KCNC2: variants seen among roughly 807,000 people sequenced by gnomAD.
KCNC2 encodes the protein potassium voltage-gated channel subfamily C member 2.
A neutral mutation model predicts 44.5 loss-of-function variants in KCNC2; 21 were observed. The ratio of observed to expected loss-of-function variants is 0.47; its 90% CI spans 0.33 to 0.68. The LOEUF (loss-of-function observed/expected upper bound fraction) is 0.68. Among genes scored for constraint, KCNC2 ranks in the 30% least tolerant of loss-of-function variants. The pLI is 0.01. For synonymous variants in KCNC2, 391 were observed against 339.1 expected, an observed-to-expected ratio of 1.15 and a Z score of -1.68; for missense variants, 589 against 826.2, an observed-to-expected ratio of 0.71 and a Z score of 3.52.
At chr12:75,187,295 C>T (rs990487355) in intron 2 of KCNC2, among the ~76,000 whole-genome samples, 6 of 152,176 alleles carry the variant, frequency 3.9e-5, no homozygotes, top group African/African-American at 7.2e-5. Flanking sequence ...TACCGAAGAA[C>T]ACATTTCTGC....
chr12:75,187,581 G>GAGAT (rs1250593814), intron 2 of KCNC2, among the ~76,000 whole-genome samples: 10 of 152,180 alleles, frequency 6.6e-5, no homozygotes, highest in African/African-American at 2.2e-4. Context: ...ATTTGCAGAA[G>GAGAT]AGATATAGCG....
At chr12:75,195,149 A>G (rs1483209552) in intron 2 of KCNC2, among the ~76,000 whole-genome samples, 1 of 152,152 alleles carries the variant, frequency 6.6e-6, no homozygotes. Flanking sequence ...GCAAAAACTA[A>G]TATTATTTTC....
intron 2 of KCNC2, among the ~76,000 whole-genome samples, chr12:75,101,364 G>A (rs1025068337): frequency 2.6e-5 from 4 of 151,964 alleles, no homozygotes; most frequent in Non-Finnish European, 4.4e-5. Flanking sequence ...TTCATGGGTT[G>A]GAACTATTCT....
At chr12:75,087,751 C>T (rs1003269693) in intron 2 of KCNC2, among the ~76,000 whole-genome samples, 1 of 151,986 alleles carries the variant, frequency 6.6e-6, no homozygotes, top group Non-Finnish European at 1.5e-5. Flanking sequence ...GCTGGAGAGG[C>T]CAGGCCTGAG....
intron 2 of KCNC2, among the ~76,000 whole-genome samples, chr12:75,063,851 T>C (rs1337980797): frequency 2.6e-5 from 4 of 152,062 alleles, no homozygotes; most frequent in African/African-American, 9.7e-5. Context: ...ATGAGAAAAA[T>C]AAGATGCAAA....
chr12:75,147,329 T>G (rs1198830986), intron 2 of KCNC2, among the ~76,000 whole-genome samples: 12 of 152,126 alleles, frequency 7.9e-5, no homozygotes, highest in Non-Finnish European at 1.6e-4. Context: ...CTCCTCATAC[T>G]AATCTATTAT....
intron 2 of KCNC2, among the ~76,000 whole-genome samples, chr12:75,199,043 T>C (rs764956930): frequency 2.0e-5 from 3 of 151,868 alleles, no homozygotes; most frequent in Non-Finnish European, 4.4e-5. Flanking sequence ...CTGGATAAAA[T>C]ATTGGTGTAA....
chr12:75,115,759 T>A (rs1379248247), intron 2 of KCNC2, among the ~76,000 whole-genome samples: 1 of 152,046 alleles, frequency 6.6e-6, no homozygotes, highest in South Asian at 2.1e-4. Flanking sequence ...TATCTTTTTT[T>A]AAACAAAATT....
At chr12:75,134,731 G>A (rs941735199) in intron 2 of KCNC2, among the ~76,000 whole-genome samples, 2 of 151,772 alleles carry the variant, frequency 1.3e-5, no homozygotes, top group African/African-American at 4.8e-5. Flanking sequence ...GATAATGAAC[G>A]ACAAAATTAT....
rs533998790 is a variant in KCNC2 at position 75,194,305 on chromosome 12, AG to A, written c.687+12991del. Among the ~76,000 whole-genome samples the A allele has an allele frequency of 2.8e-3, 432 of 152,302 alleles. 7 individuals carry two copies. Among genetic ancestry groups the A allele is most frequent in the Non-Finnish European group, 2.2e-3 (151 of 68,026 alleles). On this transcript the variant is annotated intron_variant, in intron 2 of 4. Coordinates refer to ENST00000549446, the MANE Select transcript of KCNC2 (RefSeq NM_139137.4). ...CATACACTGAGGGCAAGGCGAGGCC[AG>A]GGGAAGGGGATCATCATGTGAAGAT... is the stretch of plus-strand genomic sequence containing the variant.
intron 2 of KCNC2, among the ~76,000 whole-genome samples, chr12:75,059,865 T>C (rs1277213546): frequency 6.6e-6 from 1 of 152,120 alleles, no homozygotes; most frequent in Non-Finnish European, 1.5e-5. Context: ...AATATCTAGG[T>C]CTATTGCTTA....
At chr12:75,070,720 C>G (rs1883314897) in intron 2 of KCNC2, among the ~76,000 whole-genome samples, 1 of 151,330 alleles carries the variant, frequency 6.6e-6, no homozygotes, top group South Asian at 2.1e-4. Context: ...TTATATTCAC[C>G]CTTTATAAAA....
At position 75,099,461 on chromosome 12, in the gene KCNC2, A is replaced by G. The variant is rs904391121; in HGVS notation, c.688-48144T>C. On this transcript the variant is annotated intron_variant, in intron 2 of 4. Transcript: ENST00000549446. ...GAGAGTGGAATTCTGTACTTTTGCT[A>G]TTTCCTTTGGTGCTAAAAATGGTAG... 7.2e-5 allele frequency among the ~76,000 whole-genome samples: 11 copies of G among 152,208 alleles called. No individual in the cohort carries two copies. The East Asian group carries it at 2.1e-3, about 29-fold the overall frequency.
chr12:75,078,399 C>T (rs2137068159), intron 2 of KCNC2, among the ~76,000 whole-genome samples: 1 of 152,186 alleles, frequency 6.6e-6, no homozygotes, highest in Middle Eastern at 3.4e-3. Flanking sequence ...CATGTAAGTC[C>T]ATCTTCTGTA....
intron 2 of KCNC2, among the ~76,000 whole-genome samples, chr12:75,122,684 A>C (rs1377317213): frequency 6.6e-6 from 1 of 152,170 alleles, no homozygotes; most frequent in Non-Finnish European, 1.5e-5. Flanking sequence ...AAGACATCAA[A>C]GCAAACCAGC....
Position 75,042,590 on chromosome 12 carries a change from C to T in KCNC2, c.*515G>A. ...AGCAGGATGGTTCGATGCAAGTACACATATCCTGAGCTATCCACAGTCCCC... is the reference window on the plus strand; with the variant it reads ...AGCAGGATGGTTCGATGCAAGTACATATATCCTGAGCTATCCACAGTCCCC... On this transcript the variant is annotated 3_prime_UTR_variant, in exon 5 of 5. Coordinates refer to ENST00000549446, the MANE Select transcript of KCNC2 (RefSeq NM_139137.4). 7.4e-7 allele frequency: 1 copy of T among 1,358,480 alleles called. No individual in the cohort carries two copies. The highest frequency in any genetic ancestry group is 1.7e-5 in the South Asian group (1 of 58,244). The allele number at this position is 1,358,480 out of a possible 1,614,324, so 84.2% of individuals were successfully genotyped here.
In KCNC2 at chr12:75,042,219, A is replaced by G. The variant is rs7969026; in HGVS notation, c.*886T>C. ...CAAACCCTGGGTATTTTTTTTTTTT[A>G]AAGAGTCTAGAACCAAGCAGCAATT... On this transcript the variant is annotated 3_prime_UTR_variant, in exon 5 of 5. Coordinates refer to ENST00000549446, the MANE Select transcript of KCNC2 (RefSeq NM_139137.4). 3.1e-6 allele frequency: 4 copies of G among 1,293,420 alleles called. No individual in the cohort carries two copies. The highest frequency in any genetic ancestry group is 4.0e-6 in the Non-Finnish European group (4 of 1,002,388). The allele number at this position is 1,293,420 out of a possible 1,614,324, so 80.1% of individuals were successfully genotyped here.
At chr12:75,056,397 G>A (rs1881748090) in intron 2 of KCNC2, among the ~76,000 whole-genome samples, 1 of 151,654 alleles carries the variant, frequency 6.6e-6, no homozygotes, top group Admixed American at 6.6e-5. Flanking sequence ...TAACATCATG[G>A]GAAAATCATG....
intron 2 of KCNC2, among the ~76,000 whole-genome samples, chr12:75,137,029 C>G (rs1889281899): frequency 6.6e-6 from 1 of 152,168 alleles, no homozygotes. Flanking sequence ...CCCAACTCTT[C>G]TTCAACTCAC....
Sources: allele counts gnomAD v4.1 joint callset (sites outside exome capture counted in the v4.1 genomes callset), GRCh38; gene constraint gnomAD v4.1.1; transcripts MANE v1.5; gene names NCBI Gene and HGNC (gene_info 2026-07-23, HGNC 2026-07-21).